COL1A1: variants seen among roughly 807,000 people sequenced by gnomAD.
The protein encoded by COL1A1 is collagen alpha-1(I) chain.
Under a neutral mutation model 195.7 loss-of-function variants are expected in COL1A1, and 21 were observed. The observed-to-expected ratio is 0.11, with a 90% CI of 0.08 to 0.15. The LOEUF (loss-of-function observed/expected upper bound fraction) is 0.15, where lower values mean the gene tolerates loss of function less well. COL1A1 is among the 10% of genes least tolerant of loss of function. COL1A1 has a pLI of 1.00. For synonymous variants in COL1A1, 749 were observed against 747.3 expected, an observed-to-expected ratio of 1.00 and a Z score of -0.04; for missense variants, 1,365 against 2,051.0, an observed-to-expected ratio of 0.67 and a Z score of 6.46.
At position 50,190,309 on chromosome 17, in the gene COL1A1, G is replaced by T; in HGVS notation, c.2451+18C>A. ...GTCCCAGTCGGTGATGAAAAATGAT[G>T]GGGGTCTTGGTACTCACAGGGGGGC... On this transcript the variant is annotated intron_variant, in intron 35 of 50. Transcript: ENST00000225964. The surrounding 1 kb of genome is among the most constrained non-coding windows in gnomAD (Gnocchi z 4.7). 1 of 1,546,816 alleles carries T rather than the reference G, an allele frequency of 6.5e-7. No homozygotes were observed. The highest frequency in any genetic ancestry group is 8.9e-7 in the Non-Finnish European group (1 of 1,118,620).
rs746547322 is a variant in COL1A1 at position 50,196,990 on chromosome 17, A to G, written c.804+20T>C. On this transcript the variant is annotated intron_variant, in intron 11 of 50. Transcript: ENST00000225964. The stretch of plus-strand genomic sequence containing the variant: ...TATGCTAGGGACTTGGGGAGCTTAA[A>G]TGACTCAAAGGTGACTCACTCTGTG... 1.1e-5 allele frequency: 17 copies of G among 1,613,842 alleles called. No homozygotes were observed. Among genetic ancestry groups the G allele is most frequent in the Non-Finnish European group, 1.4e-5 (16 of 1,179,880 alleles).
chr17:50,189,592 G>A lies in COL1A1; in HGVS notation c.2668-54C>T. 7.4e-6 allele frequency: 12 copies of A among 1,612,028 alleles called. No homozygotes were observed. The highest frequency in any genetic ancestry group is 1.0e-5 in the Non-Finnish European group (12 of 1,178,866). On this transcript the variant is annotated intron_variant, in intron 38 of 50. Coordinates refer to ENST00000225964, the MANE Select transcript of COL1A1 (RefSeq NM_000088.4). The surrounding 1 kb of genome is among the most constrained non-coding windows in gnomAD (Gnocchi z 5.5). Reference sequence around the variant, plus strand: ...CTCCAGGGGGCTCTGGTGCATCATTGGGTCCTCAGTCAGCCCCACCATCCT... The same window carrying A: ...CTCCAGGGGGCTCTGGTGCATCATTAGGTCCTCAGTCAGCCCCACCATCCT...
Position 50,195,221 on chromosome 17 carries a change from T to G in COL1A1, c.1299+11A>C. On this transcript the variant is annotated intron_variant, in intron 19 of 50. Coordinates refer to ENST00000225964, the MANE Select transcript of COL1A1 (RefSeq NM_000088.4). The surrounding 1 kb of genome is among the most constrained non-coding windows in gnomAD (Gnocchi z 4.3). ...GCATGGGGTGGGCAGAAGGGAGAGTTTGGTACTCACGCTGTTACCCTTGGG... is the reference window on the plus strand; with the variant it reads ...GCATGGGGTGGGCAGAAGGGAGAGTGTGGTACTCACGCTGTTACCCTTGGG... 6.2e-7 allele frequency: 1 copy of G among 1,611,914 alleles called. No homozygotes were observed. The highest frequency in any genetic ancestry group is 1.7e-5 in the Admixed American group (1 of 59,678).
In COL1A1 at chr17:50,194,510, A is replaced by C; in HGVS notation, c.1515+63T>G. The C allele has an allele frequency of 6.2e-7, 1 of 1,612,970 alleles. No homozygotes were observed. The highest frequency in any genetic ancestry group is 8.5e-7 in the Non-Finnish European group (1 of 1,179,234). ...AGTTTGTGGCTCTTTGCCACGGGCC[A>C]AAAGAGGAAGAAGATGCCCAGGGAG... On this transcript the variant is annotated intron_variant, in intron 22 of 50. Transcript: ENST00000225964. The surrounding 1 kb of genome is among the most constrained non-coding windows in gnomAD (Gnocchi z 6.8).
chr17:50,191,274 T>C, intron 32 of COL1A1, 109 bp downstream of exon 32: 1 of 1,065,568 alleles, frequency 9.4e-7, no homozygotes, highest in Non-Finnish European at 1.5e-6. Context: ...AAGGGAGGAT[T>C]AGCGAGAAGA....
At position 50,186,282 on chromosome 17, in the gene COL1A1, C is replaced by T. The variant is rs1218047891; in HGVS notation, c.4005+35G>A. On this transcript the variant is annotated intron_variant, in intron 49 of 50. Transcript: ENST00000225964. The surrounding 1 kb of genome is among the most constrained non-coding windows in gnomAD (Gnocchi z 5.3). ...CCTTCTGAGCACTGGGCTAGCCCAT[C>T]TCCTAACACTGGCTCTGAGGTCCAG... 1.2e-6 allele frequency: 2 copies of T among 1,613,170 alleles called. No homozygotes were observed. Among genetic ancestry groups the T allele is most frequent in the East Asian group, 2.2e-5 (1 of 44,886 alleles).
chr17:50,198,335 A>G (rs970640970), intron 6 of COL1A1, 98 bp downstream of exon 6: 2 of 1,540,206 alleles, frequency 1.3e-6, no homozygotes, highest in Non-Finnish European at 1.8e-6. Flanking sequence ...CCCAAAGGTG[A>G]TCTGGACCTC....
chr17:50,196,293 C>CA, intron 14 of COL1A1, 21 bp downstream of exon 14: 1 of 1,607,706 alleles, frequency 6.2e-7, no homozygotes, highest in Non-Finnish European at 8.5e-7. Flanking sequence ...AGGGATCCCC[C>CA]AAGGGGCCAG....
In COL1A1 at chr17:50,189,225, C is replaced by A. The variant is rs765159051; in HGVS notation, c.2880G>T (p.Val960=). Residue 960 remains valine (V), a synonymous_variant, in exon 40 of 51, where the codon GTG becomes GTT. Transcript: ENST00000225964. The surrounding 1 kb of genome is among the most constrained non-coding windows in gnomAD (Gnocchi z 5.5). ...CTCCTCTCTGACCAGGCAGGCCGAC[C>A]ACACCACGCTGTCCAGCAATACCTT... ...GPQGIAGQRG[V]VGLPGQRGER... is the part of the protein sequence containing the mutation. 5 of 1,613,830 alleles carry A rather than the reference C, an allele frequency of 3.1e-6. No homozygotes were observed. The highest frequency in any genetic ancestry group is 4.2e-6 in the Non-Finnish European group (5 of 1,179,892).
At position 50,185,316 on chromosome 17, in the gene COL1A1, G is replaced by A. The variant is rs932870817; in HGVS notation, c.*186C>T. The A allele has an allele frequency of 3.8e-6, 2 of 523,580 alleles. No homozygotes were observed. Among genetic ancestry groups the A allele is most frequent in the Non-Finnish European group, 6.5e-6 (2 of 310,068 alleles). The allele number at this position is 523,580 out of a possible 1,614,324, so 32.4% of individuals were successfully genotyped here. A position where few individuals can be genotyped will look rare whatever the true frequency, so the allele number is the denominator to read the frequency against. ...CACTTTTGGTTTTTGGTCATGTTCG[G>A]TTGGTCAAAGATAAAAACTAAGTTT... is the stretch of plus-strand genomic sequence containing the variant. On this transcript the variant is annotated 3_prime_UTR_variant, in exon 51 of 51. Coordinates refer to ENST00000225964, the MANE Select transcript of COL1A1 (RefSeq NM_000088.4).
chr17:50,185,533 C>G lies in COL1A1; in HGVS notation c.4364G>C (p.Gly1455Ala), dbSNP rs1598283545. ...GAAGCAGACAGGGCCAACGTCGAAG[C>G]CGAATTCCTGGTCTGGGGCACCAAC... ...LDVGAPDQEF[G>A]FDVGPVCFL is the part of the protein sequence containing the mutation. Residue 1455 changes from glycine (G) to alanine (A), a missense_variant, in exon 51 of 51, where the codon GGC becomes GCC. This residue lies in a region of COL1A1 where 273 missense variants were observed against 338.6 expected (regional missense o/e 0.81). Transcript: ENST00000225964. 1.2e-6 allele frequency: 2 copies of G among 1,613,186 alleles called. No individual in the cohort carries two copies. Among genetic ancestry groups the G allele is most frequent in the African/African-American group, 1.3e-5 (1 of 74,730 alleles).
chr17:50,201,094 C>T (rs1319369432), intron 1 of COL1A1, among the ~76,000 whole-genome samples: 1 of 152,238 alleles, frequency 6.6e-6, no homozygotes, highest in African/African-American at 2.4e-5. Context: ...CGCTCGGCGC[C>T]CCCATCCCAT....
At chr17:50,196,265 G>A in intron 14 of COL1A1, 49 bp downstream of exon 14, 1 of 1,611,068 alleles carries the variant, frequency 6.2e-7, no homozygotes, top group Non-Finnish European at 8.5e-7. Context: ...AGTTCCTGGG[G>A]AGCCCCTTCC....
At position 50,194,418 on chromosome 17, in the gene COL1A1, G is replaced by A. The variant is rs758857954; in HGVS notation, c.1545C>T (p.Gly515=). 4.3e-6 allele frequency: 7 copies of A among 1,614,128 alleles called. No homozygotes were observed. In the South Asian group the frequency reaches 6.6e-5, roughly 15 times the overall value. The change falls in exon 23 of 51, where the codon GGC becomes GGT. Residue 515 remains glycine (G), a synonymous_variant. Transcript: ENST00000225964. This position sits in a 1 kb window ranked among gnomAD's most constrained non-coding sequence, Gnocchi z 6.8. ...KGPAGERGSP[G]PAGPKGSPGE... ...CAGGAGATCCTTTGGGGCCAGCAGGGCCAGGAGAACCACGTTCACCAGCGG... is the reference window on the plus strand; with the variant it reads ...CAGGAGATCCTTTGGGGCCAGCAGGACCAGGAGAACCACGTTCACCAGCGG...
chr17:50,200,663 C>T (rs1400655434), intron 1 of COL1A1, among the ~76,000 whole-genome samples: 1 of 152,248 alleles, frequency 6.6e-6, no homozygotes, highest in Non-Finnish European at 1.5e-5. Flanking sequence ...GCTCCCCAGA[C>T]GGCCACTAGG....
chr17:50,194,260 C>A lies in COL1A1; in HGVS notation c.1615-77G>T. On this transcript the variant is annotated intron_variant, in intron 23 of 50. Coordinates refer to ENST00000225964, the MANE Select transcript of COL1A1 (RefSeq NM_000088.4). This position sits in a 1 kb window ranked among gnomAD's most constrained non-coding sequence, Gnocchi z 6.8. ...TGGGGGAGGACTCCAGAGGGCAGAC[C>A]CTTGGGCCTGATCCAGAACGCCTCA... The A allele has an allele frequency of 1.3e-6, 2 of 1,597,198 alleles. No homozygotes were observed. Among genetic ancestry groups the A allele is most frequent in the South Asian group, 1.1e-5 (1 of 90,734 alleles).
Position 50,195,393 on chromosome 17 carries a change from C to T in COL1A1, c.1200+41G>A. On this transcript the variant is annotated intron_variant, in intron 18 of 50. Transcript: ENST00000225964. The surrounding 1 kb of genome is among the most constrained non-coding windows in gnomAD (Gnocchi z 4.3). ...CAGAGGGAAAGGGGCAGGCAGGCTG[C>T]AGGCGGCAGGAGTGGGACTGAAGCC... is the stretch of plus-strand genomic sequence containing the variant. 1 of 1,613,958 alleles carries T rather than the reference C, an allele frequency of 6.2e-7. No individual in the cohort carries two copies. Among genetic ancestry groups the T allele is most frequent in the Non-Finnish European group, 8.5e-7 (1 of 1,179,844 alleles).
Position 50,188,072 on chromosome 17 carries a change from TG to T in COL1A1, c.3261+23del. 6.2e-7 allele frequency: 1 copy of T among 1,612,968 alleles called. No individual in the cohort carries two copies. The highest frequency in any genetic ancestry group is 8.5e-7 in the Non-Finnish European group (1 of 1,179,442). ...CTGCATCTGTAGAGTTCTAAAGGCA[TG>T]GGGGACACAGCAGGGTACTTACGGC... On this transcript the variant is annotated intron_variant, in intron 44 of 50. Transcript: ENST00000225964. The surrounding 1 kb of genome is among the most constrained non-coding windows in gnomAD (Gnocchi z 5.6).
chr17:50,188,874 T>A lies in COL1A1; in HGVS notation c.3045+29A>T. 6.4e-7 allele frequency: 1 copy of A among 1,553,882 alleles called. No individual in the cohort carries two copies. Among genetic ancestry groups the A allele is most frequent in the East Asian group, 2.2e-5 (1 of 44,520 alleles). ...AAGGCCACAATGGCCATGCTGAGGG[T>A]ACTGGCATGGGGGCTGGGGACTGCT... is the stretch of plus-strand genomic sequence containing the variant. On this transcript the variant is annotated intron_variant, in intron 41 of 50. Transcript: ENST00000225964. The surrounding 1 kb of genome is among the most constrained non-coding windows in gnomAD (Gnocchi z 5.6).
Sources: gnomAD v4.1 joint callset for allele counts (sites outside exome capture counted in the v4.1 genomes callset) on GRCh38, gnomAD v4.1.1 for gene constraint, gnomAD v4.1.1 regional missense constraint, Gnocchi (gnomAD v3.1) non-coding constraint, MANE v1.5 for transcripts, NCBI Gene and HGNC (gene_info 2026-07-23, HGNC 2026-07-21) for gene names.